SNX29: variants seen among roughly 807,000 people sequenced by gnomAD.
The protein encoded by SNX29 is sorting nexin 29, also known as sorting nexin-29.
Under a neutral mutation model 102.1 loss-of-function variants are expected in SNX29, and 78 were observed. The ratio of observed to expected loss-of-function variants is 0.76; its 90% CI spans 0.64 to 0.92. The LOEUF is 0.92. Among genes scored for constraint, SNX29 ranks in the 40% least tolerant of loss-of-function variants. The probability of loss-of-function intolerance (pLI) is 0.00; values close to 1 mark genes in which losing one functional copy is unlikely to be tolerated. For missense variants in SNX29, 1,280 were observed against 1,061.7 expected, an observed-to-expected ratio of 1.21 and a Z score of -2.86; for synonymous variants, 580 against 414.5, an observed-to-expected ratio of 1.40 and a Z score of -4.85.
intron 15 of SNX29, among the ~76,000 whole-genome samples, chr16:12,279,196 A>G (rs565439019): frequency 6.6e-6 from 1 of 152,280 alleles, no homozygotes; most frequent in African/African-American, 2.4e-5. Context: ...TTATTTTGAT[A>G]ATCAAGAAGA....
At chr16:12,366,091 G>A (rs890263492) in intron 16 of SNX29, among the ~76,000 whole-genome samples, 1 of 151,144 alleles carries the variant, frequency 6.6e-6, no homozygotes, top group Admixed American at 6.6e-5. Flanking sequence ...GATTGAGTGG[G>A]GGGTTTGCAT....
intron 20 of SNX29, among the ~76,000 whole-genome samples, chr16:12,537,984 CAAA>C (rs33931845): frequency 0.14 from 17,372 of 128,014 alleles, 1,227 homozygotes; most frequent in Non-Finnish European, 0.18. Context: ...AACTCCGTTT[CAAA>C]AAAAAAAAAA....
At chr16:12,227,854 C>T (rs1488632378) in intron 14 of SNX29, among the ~76,000 whole-genome samples, 2 of 136,348 alleles carry the variant, frequency 1.5e-5, no homozygotes, top group Non-Finnish European at 3.0e-5. Flanking sequence ...GAGCTGAGAT[C>T]CAGCCAGTGC....
chr16:12,031,875 C>T (rs1172260915), intron 4 of SNX29, among the ~76,000 whole-genome samples: 1 of 152,092 alleles, frequency 6.6e-6, no homozygotes, highest in African/African-American at 2.4e-5. Flanking sequence ...ACCATTTCAG[C>T]CATTTGAAGT....
At position 12,543,404 on chromosome 16, in the gene SNX29, G is replaced by A. The variant is rs577956090; in HGVS notation, c.2318+18563G>A. On this transcript the variant is annotated intron_variant, in intron 20 of 20. Transcript: ENST00000566228. The stretch of plus-strand genomic sequence containing the variant: ...ATGATTATCCAGAAGGAGGGGGCCC[G>A]ATTCACTGAAAGGAGAGAAAGTGGG... Among the ~76,000 whole-genome samples, 120 of 152,292 alleles carry A rather than the reference G, an allele frequency of 7.9e-4. 1 individual carries two copies. Among genetic ancestry groups the A allele is most frequent in the African/African-American group, 2.7e-3 (113 of 41,556 alleles).
At chr16:11,982,951 G>C (rs1478564229) in intron 1 of SNX29, among the ~76,000 whole-genome samples, 1 of 151,736 alleles carries the variant, frequency 6.6e-6, no homozygotes, top group East Asian at 1.9e-4. Flanking sequence ...ATTTTTTTGA[G>C]ACAGATTCTC....
intron 14 of SNX29, among the ~76,000 whole-genome samples, chr16:12,203,309 A>G (rs1402889213): frequency 6.6e-6 from 1 of 151,794 alleles, no homozygotes; most frequent in Non-Finnish European, 1.5e-5. Flanking sequence ...GTGGTATTGG[A>G]GGTGACAGCT....
rs188843231 is a variant in SNX29, at chr16:12,325,571, T to C, written c.1783-30592T>C. Among the ~76,000 whole-genome samples, 373 of 152,268 alleles carry C rather than the reference T, an allele frequency of 2.4e-3. 2 individuals are homozygous for C. Among genetic ancestry groups the C allele is most frequent in the African/African-American group, 8.3e-3 (344 of 41,562 alleles). On this transcript the variant is annotated intron_variant, in intron 15 of 20. Coordinates refer to ENST00000566228, the MANE Select transcript of SNX29 (RefSeq NM_032167.5). ...CAACCTGTGGCCCATTGTTCTCAGG[T>C]AGTGAAGCAGATAAAATGCATTAAT...
intron 20 of SNX29, among the ~76,000 whole-genome samples, chr16:12,543,911 C>T (rs553405883): frequency 5.3e-5 from 8 of 152,156 alleles, no homozygotes; most frequent in Non-Finnish European, 1.0e-4. Flanking sequence ...CCTGGATTGC[C>T]GAAGGTGGAA....
chr16:12,282,952 C>G (rs184899758), intron 15 of SNX29, among the ~76,000 whole-genome samples: 5 of 152,112 alleles, frequency 3.3e-5, no homozygotes, highest in African/African-American at 1.2e-4. Flanking sequence ...CCACTGCACT[C>G]GGCCCACAGT....
intron 19 of SNX29, among the ~76,000 whole-genome samples, chr16:12,483,978 G>T (rs577359616): frequency 6.6e-6 from 1 of 152,216 alleles, no homozygotes; most frequent in South Asian, 2.1e-4. Flanking sequence ...CTCTAATGAC[G>T]CAAGCTGGGA....
At chr16:12,004,112 C>T (rs930459876) in intron 3 of SNX29, among the ~76,000 whole-genome samples, 8 of 150,526 alleles carry the variant, frequency 5.3e-5, no homozygotes, top group African/African-American at 1.2e-4. Flanking sequence ...GAGGTTGAGG[C>T]GGGTGGATCA....
intron 14 of SNX29, among the ~76,000 whole-genome samples, chr16:12,212,986 C>T (rs2077227143): frequency 6.6e-6 from 1 of 152,210 alleles, no homozygotes; most frequent in East Asian, 1.9e-4. Context: ...TGGTGGCATG[C>T]ACCTGTAATC....
At chr16:12,431,434 C>CTTTTTTT (rs200189537) in intron 18 of SNX29, among the ~76,000 whole-genome samples, 2 of 136,948 alleles carry the variant, frequency 1.5e-5, no homozygotes, top group Non-Finnish European at 1.6e-5. Flanking sequence ...TCTTCTTCTT[C>CTTTTTTT]TTTTTTTTTT....
intron 18 of SNX29, among the ~76,000 whole-genome samples, chr16:12,444,640 T>A (rs112554672): frequency 1.0e-3 from 154 of 152,276 alleles, no homozygotes; most frequent in African/African-American, 3.5e-3. Flanking sequence ...TCCTGGACTT[T>A]TTGAACAAGG....
intron 20 of SNX29, among the ~76,000 whole-genome samples, chr16:12,561,956 G>A (rs1374560616): frequency 7.2e-5 from 11 of 152,118 alleles, no homozygotes; most frequent in South Asian, 4.1e-4. Flanking sequence ...ATCCCTGGGG[G>A]CATGATGTCC....
intron 16 of SNX29, among the ~76,000 whole-genome samples, chr16:12,395,803 T>C (rs1345664474): frequency 1.3e-5 from 2 of 150,156 alleles, no homozygotes; most frequent in Non-Finnish European, 3.0e-5. Context: ...TGCCAGAATA[T>C]AAAATAGAAT....
At chr16:12,556,943 C>G (rs1013400972) in intron 20 of SNX29, among the ~76,000 whole-genome samples, 1 of 16,812 alleles carries the variant, frequency 5.9e-5, no homozygotes, top group Non-Finnish European at 3.7e-4. Context: ...GCCTCTGCCG[C>G]TCAGGCTCAG....
chr16:12,525,534 G>T (rs565260079), intron 20 of SNX29, among the ~76,000 whole-genome samples: 1 of 151,848 alleles, frequency 6.6e-6, no homozygotes, highest in Admixed American at 6.6e-5. Flanking sequence ...TTAGCCAGCC[G>T]TGCAAAAATT....
Sources: gnomAD v4.1 joint callset for allele counts (sites outside exome capture counted in the v4.1 genomes callset) on GRCh38, gnomAD v4.1.1 for gene constraint, MANE v1.5 for transcripts, NCBI Gene and HGNC (gene_info 2026-07-23, HGNC 2026-07-21) for gene names.